MKLN1: variants seen among roughly 807,000 people sequenced by gnomAD.
MKLN1 encodes the protein muskelin.
MKLN1 carries 18 observed loss-of-function variants against 99.0 expected under a neutral mutation model. The ratio of observed to expected loss-of-function variants is 0.18; its 90% CI spans 0.13 to 0.27. MKLN1 has a LOEUF of 0.27. MKLN1 is among the 10% of genes least tolerant of loss of function. The probability of loss-of-function intolerance (pLI) is 1.00; values close to 1 mark genes in which losing one functional copy is unlikely to be tolerated. For synonymous variants in MKLN1, 288 were observed against 293.2 expected (o/e 0.98, Z 0.18); for missense variants, 621 against 875.9 (o/e 0.71, Z 3.67).
intron 14 of MKLN1, among the ~76,000 whole-genome samples, chr7:131,465,472 A>G (rs1038473527): frequency 1.3e-5 from 2 of 152,192 alleles, no homozygotes; most frequent in Admixed American, 6.5e-5. Flanking sequence ...AATGTTTTTA[A>G]TGTTATTTCA....
intron 2 of MKLN1, among the ~76,000 whole-genome samples, chr7:131,177,884 A>G (rs1048044037): frequency 3.3e-5 from 5 of 152,204 alleles, no homozygotes; most frequent in Admixed American, 2.0e-4. Flanking sequence ...TAGGAAGTCC[A>G]GGACTGGTAT....
At chr7:131,279,632 AC>A (rs780229618) in intron 3 of MKLN1, among the ~76,000 whole-genome samples, 4 of 151,782 alleles carry the variant, frequency 2.6e-5, no homozygotes, top group Non-Finnish European at 5.9e-5. Context: ...ACAAAGAGAA[AC>A]CCAATCTTTA....
At chr7:131,392,136 A>G (rs1210150795) in intron 4 of MKLN1, among the ~76,000 whole-genome samples, 1 of 152,222 alleles carries the variant, frequency 6.6e-6, no homozygotes, top group Non-Finnish European at 1.5e-5. Context: ...CAAAGGGTTT[A>G]CATTCTGATT....
intron 1 of MKLN1, among the ~76,000 whole-genome samples, chr7:131,115,275 T>C (rs987952652): frequency 2.0e-5 from 3 of 152,226 alleles, no homozygotes; most frequent in African/African-American, 7.2e-5. Flanking sequence ...CACCCACCAA[T>C]TGCTCAACAC....
intron 1 of MKLN1, among the ~76,000 whole-genome samples, chr7:131,114,777 C>G (rs1054653675): frequency 1.6e-4 from 24 of 151,988 alleles, no homozygotes; most frequent in African/African-American, 5.6e-4. Context: ...AAAACCCCAT[C>G]TCTACTAAAA....
chr7:131,422,486 C>T (rs1431118092), intron 8 of MKLN1, among the ~76,000 whole-genome samples: 3 of 152,100 alleles, frequency 2.0e-5, no homozygotes, highest in South Asian at 2.1e-4. Flanking sequence ...CCCAGAAGTT[C>T]GAGGCTGCAG....
chr7:131,456,302 A>G (rs923819591), intron 12 of MKLN1, among the ~76,000 whole-genome samples: 1 of 152,200 alleles, frequency 6.6e-6, no homozygotes, highest in African/African-American at 2.4e-5. Context: ...AACTCAAATA[A>G]CATAGAATGC....
At chr7:131,389,963 T>C (rs991553216) in intron 4 of MKLN1, among the ~76,000 whole-genome samples, 4 of 152,042 alleles carry the variant, frequency 2.6e-5, no homozygotes, top group African/African-American at 9.7e-5. Context: ...TATATTGATA[T>C]GGGGATTAAA....
intron 17 of MKLN1, among the ~76,000 whole-genome samples, chr7:131,480,323 C>G (rs1797087569): frequency 6.6e-6 from 1 of 152,046 alleles, no homozygotes; most frequent in South Asian, 2.1e-4. Flanking sequence ...TAAAATAACA[C>G]TTTGGGATAT....
At chr7:131,198,374 T>A (rs1796679896) in intron 2 of MKLN1, among the ~76,000 whole-genome samples, 1 of 152,158 alleles carries the variant, frequency 6.6e-6, no homozygotes, top group Non-Finnish European at 1.5e-5. Context: ...GGAAAAAAAT[T>A]TTTTTTTAAA....
intron 6 of MKLN1, among the ~76,000 whole-genome samples, chr7:131,399,778 A>AG (rs905537423): frequency 6.6e-6 from 1 of 152,162 alleles, no homozygotes; most frequent in Non-Finnish European, 1.5e-5. Flanking sequence ...TTTGAGGAGA[A>AG]GGGGGGCTAG....
chr7:131,234,016 G>A (rs933714143), intron 3 of MKLN1, among the ~76,000 whole-genome samples: 4 of 151,862 alleles, frequency 2.6e-5, no homozygotes, highest in South Asian at 2.1e-4. Context: ...TCTTGCTCTT[G>A]TCCCCCAGGC....
At chr7:131,219,322 A>G (rs1234746934) in intron 3 of MKLN1, among the ~76,000 whole-genome samples, 1 of 152,122 alleles carries the variant, frequency 6.6e-6, no homozygotes, top group Non-Finnish European at 1.5e-5. Context: ...CACTTGATAA[A>G]TATTTTGCCT....
At chr7:131,182,920 T>C (rs565437630) in intron 2 of MKLN1, among the ~76,000 whole-genome samples, 166 of 152,346 alleles carry the variant, frequency 1.1e-3, no homozygotes, top group African/African-American at 3.9e-3. Flanking sequence ...ACAAATTCTA[T>C]GTGATCAACG....
chr7:131,469,753 C>T (rs946892896), intron 15 of MKLN1, among the ~76,000 whole-genome samples: 1 of 152,086 alleles, frequency 6.6e-6, no homozygotes, highest in African/African-American at 2.4e-5. Context: ...TAGAAATAAA[C>T]CTGTATGTAA....
intron 12 of MKLN1, among the ~76,000 whole-genome samples, chr7:131,461,830 A>G (rs911972793): frequency 6.6e-6 from 1 of 152,248 alleles, no homozygotes; most frequent in Non-Finnish European, 1.5e-5. Flanking sequence ...CTTTATGTAT[A>G]TGAAATTATA....
intron 8 of MKLN1, among the ~76,000 whole-genome samples, chr7:131,428,380 A>AT (rs1563343214): frequency 6.6e-6 from 1 of 152,180 alleles, no homozygotes; most frequent in Non-Finnish European, 1.5e-5. Flanking sequence ...GTACCACAAT[A>AT]TATCTGGAAA....
At chr7:131,159,883 C>T (rs1796021582) in intron 2 of MKLN1, among the ~76,000 whole-genome samples, 1 of 152,114 alleles carries the variant, frequency 6.6e-6, no homozygotes, top group Non-Finnish European at 1.5e-5. Flanking sequence ...AGCCCAGGCA[C>T]TCTTATCATC....
intron 2 of MKLN1, among the ~76,000 whole-genome samples, chr7:131,175,257 T>C (rs1273202757): frequency 6.6e-6 from 1 of 152,014 alleles, no homozygotes; most frequent in Admixed American, 6.6e-5. Context: ...GATAGATAGA[T>C]AGATAGATAG....
Sources: gnomAD v4.1 joint callset for allele counts (sites outside exome capture counted in the v4.1 genomes callset) on GRCh38, gnomAD v4.1.1 for gene constraint, MANE v1.5 for transcripts, NCBI Gene and HGNC (gene_info 2026-07-23, HGNC 2026-07-21) for gene names.